Variants in GALK1 observed in about 807,000 individuals in gnomAD.
GALK1 encodes the protein galactokinase.
Under a neutral mutation model 38.6 loss-of-function variants are expected in GALK1, and 30 were observed. The ratio of observed to expected loss-of-function variants is 0.78; its 90% confidence interval spans 0.58 to 1.05. The LOEUF (loss-of-function observed/expected upper bound fraction) is 1.05, where lower values mean the gene tolerates loss of function less well. Ranked by LOEUF, GALK1 falls within the 50% of genes least tolerant of loss-of-function variation. The pLI, the probability that GALK1 is intolerant of heterozygous loss-of-function variation, is 0.00. For synonymous variants in GALK1, 240 were observed against 233.6 expected (o/e 1.03, Z -0.25); for missense variants, 512 against 540.5 (o/e 0.95, Z 0.52).
downstream of GALK1, chr17:75,755,285 G>C: frequency 2.7e-6 from 4 of 1,487,446 alleles, no homozygotes; most frequent in Non-Finnish European, 3.7e-6. Context: ...CATAGCAGCC[G>C]CCAGCTGTGC....
downstream of GALK1, chr17:75,753,724 G>T: frequency 7.6e-7 from 1 of 1,318,726 alleles, no homozygotes; most frequent in South Asian, 2.1e-5. Flanking sequence ...TCGGCCCGGC[G>T]CCCCCCGGCG....
downstream of GALK1, chr17:75,754,572 G>T: frequency 6.2e-7 from 1 of 1,613,572 alleles, no homozygotes; most frequent in Non-Finnish European, 8.5e-7. Context: ...CTCTCCCCCT[G>T]CAGAGCACCT....
At chr17:75,754,344 C>T (rs1257111375), downstream of GALK1, 9 of 609,556 alleles carry the variant, frequency 1.5e-5, no homozygotes, top group Non-Finnish European at 2.6e-5. Flanking sequence ...GTCAGCAGTG[C>T]TCACACCGAT....
rs759284637 is a variant in GALK1, at chr17:75,758,530, G to A, written c.863C>T (p.Thr288Met). The A allele has an allele frequency of 8.8e-6, 14 of 1,591,570 alleles. No homozygotes were observed. Among genetic ancestry groups the A allele is most frequent in the Admixed American group, 5.2e-5 (3 of 58,168 alleles). ...TCTCAGGGCGGCCGCTGCCTGGGCC[G>A]TGCGCCGAATCTCCCCCACCACGTG... ...ARHVVGEIRR[T>M]AQAAAALRRG... Residue 288 changes from threonine (T) to methionine (M), a missense_variant, in exon 6 of 8, where the codon ACG (threonine) becomes ATG (methionine). Coordinates refer to ENST00000588479, the MANE Select transcript of GALK1 (RefSeq NM_000154.2).
chr17:75,755,326 A>C (rs890638910), downstream of GALK1: 4 of 1,164,310 alleles, frequency 3.4e-6, no homozygotes. Flanking sequence ...CATCCACAGG[A>C]CCCCCGCCTG....
At chr17:75,757,537 A>G, downstream of GALK1, 1 of 1,613,326 alleles carries the variant, frequency 6.2e-7, no homozygotes, top group Non-Finnish European at 8.5e-7. Flanking sequence ...ACATGGACCA[A>G]CAGTTCTTCC....
Position 75,762,802 on chromosome 17 carries a change from G to A in GALK1, c.695C>T (p.Ala232Val), listed in dbSNP as rs1454364862. The part of the protein sequence containing the change: ...ITNSNVRHSL[A>V]SSEYPVRRRQ... ...CCGCCGCACAGGGTACTCGCTGGAG[G>A]CCAGGGAGTGGCGGACATTAGAGTT... Residue 232 changes from alanine (A) to valine (V), a missense_variant, in exon 5 of 8, where the codon GCC (alanine) becomes GTC (valine). Physicochemically the swap from Ala to Val is moderately conservative, Grantham distance 64. Coordinates refer to ENST00000588479, the MANE Select transcript of GALK1 (RefSeq NM_000154.2). The A allele has an allele frequency of 6.2e-7, 1 of 1,613,896 alleles. No individual in the cohort carries two copies. The highest frequency in any genetic ancestry group is 8.5e-7 in the Non-Finnish European group (1 of 1,179,996).
In GALK1 at chr17:75,758,006, G is replaced by A. The variant is rs2061559501; in HGVS notation, c.*50C>T. 6.3e-7 allele frequency: 1 copy of A among 1,596,938 alleles called. No homozygotes were observed. The highest frequency in any genetic ancestry group is 8.6e-7 in the Non-Finnish European group (1 of 1,167,474). On this transcript the variant is annotated 3_prime_UTR_variant, in exon 8 of 8. Transcript: ENST00000588479. ...GATGGCACCGGGCACAGAGCCGTGG[G>A]ACTGGCCTGCAGGCCCCGCACCCTC...
rs939565358 is a variant in GALK1 at position 75,758,031 on chromosome 17, C to T, written c.*25G>A. ...GACTGGCCTGCAGGCCCCGCACCCT[C>T]ACCGTGTGCTGTCCTGGGGGTGCCT... On this transcript the variant is annotated 3_prime_UTR_variant, in exon 8 of 8. Transcript: ENST00000588479. 3.1e-6 allele frequency: 5 copies of T among 1,612,084 alleles called. No homozygotes were observed. The highest frequency in any genetic ancestry group is 1.1e-5 in the South Asian group (1 of 91,012).
At position 75,764,030 on chromosome 17, in the gene GALK1, AG is replaced by A; in HGVS notation, c.221del (p.Ser74PhefsTer40). On this transcript the variant is annotated frameshift_variant, in exon 2 of 8. Transcript: ENST00000588479. LOFTEE classifies it high-confidence loss of function. ...CGGCACCCTCAGAGGTGGTGAGGAG[AG>A]ACACCAGCCCATCCTTGCGGGGGCT... ...VGSPRKDGLV[S>X]LLTTSEGADE... 6.2e-7 allele frequency: 1 copy of A among 1,605,500 alleles called. No homozygotes were observed. The highest frequency in any genetic ancestry group is 2.2e-5 in the East Asian group (1 of 44,594).
rs370138058 is a variant in GALK1 at position 75,758,716 on chromosome 17, C to T, written c.794-117G>A. ...GGCTGGACGGTGAAGGGTGGAAGGC[C>T]GCGGGGGCAGGGCAGCCTGGCTCTC... is the stretch of plus-strand genomic sequence containing the variant. On this transcript the variant is annotated intron_variant, in intron 5 of 7. Transcript: ENST00000588479. 2.5e-4 allele frequency: 332 copies of T among 1,313,230 alleles called. 4 individuals are homozygous for T. The African/African-American group carries it at 4.0e-3, about 16-fold the overall frequency. 81.3% of individuals were successfully genotyped at this position (1,313,230 alleles called of 1,614,324 possible).
chr17:75,758,621 G>A, intron 5 of GALK1, 22 bp from the exon 6 acceptor site: 1 of 1,575,766 alleles, frequency 6.3e-7, no homozygotes, highest in Non-Finnish European at 8.6e-7. Context: ...AGAGGAGTCA[G>A]CAGCCGCCTT....
downstream of GALK1, chr17:75,756,472 G>C (rs775475841): frequency 6.2e-7 from 1 of 1,613,166 alleles, no homozygotes; most frequent in Non-Finnish European, 8.5e-7. Flanking sequence ...CCCAGACCTC[G>C]GTGGTGGTGG....
chr17:75,762,680 A>T, intron 5 of GALK1, 24 bp downstream of exon 5: 3 of 1,612,326 alleles, frequency 1.9e-6, no homozygotes, highest in Non-Finnish European at 2.5e-6. Flanking sequence ...CGCCTCCAGG[A>T]TAGAGCACCC....
chr17:75,757,070 G>A, downstream of GALK1: 1 of 1,612,962 alleles, frequency 6.2e-7, no homozygotes, highest in Non-Finnish European at 8.5e-7. Context: ...TCGGGCCAGA[G>A]CGCGAGGGCA....
intron 1 of GALK1, 103 bp from the exon 2 acceptor site, chr17:75,764,189 G>T: frequency 9.0e-7 from 1 of 1,110,468 alleles, no homozygotes; most frequent in Non-Finnish European, 1.3e-6. Context: ...ACAGTCATCA[G>T]GTTCTGAACC....
chr17:75,756,411 C>A, downstream of GALK1: 1 of 1,612,980 alleles, frequency 6.2e-7, no homozygotes, highest in Non-Finnish European at 8.5e-7. Flanking sequence ...ACTGTGTGCC[C>A]CCACCTGATC....
downstream of GALK1, chr17:75,756,600 CACT>C (rs1568387308): frequency 6.2e-7 from 1 of 1,612,852 alleles, no homozygotes. Context: ...CCGCAGAGCC[CACT>C]GTGTCCCCTG....
At position 75,763,905 on chromosome 17, in the gene GALK1, T is replaced by C. The variant is rs1466623379; in HGVS notation, c.347A>G (p.Tyr116Cys). Residue 116 changes from tyrosine to cysteine, a missense_variant, in exon 2 of 8, where the codon TAC (tyrosine) becomes TGC (cysteine). By Grantham distance (194) the Tyr-to-Cys change is radical (BLOSUM62 -2). Coordinates refer to ENST00000588479, the MANE Select transcript of GALK1 (RefSeq NM_000154.2). ...AGGCCTGGGCCCCATACCTGGGTAG[T>C]ACTGAATCACTCCCTTGACATAGTT... ...WANYVKGVIQ[Y>C]YPAAPLPGFS... The C allele has an allele frequency of 1.9e-6, 3 of 1,613,790 alleles. No individual in the cohort carries two copies. Among genetic ancestry groups the C allele is most frequent in the East Asian group, 4.5e-5 (2 of 44,888 alleles).
Sources: allele counts gnomAD v4.1 joint callset, GRCh38; gene constraint gnomAD v4.1.1; transcripts MANE v1.5; gene names NCBI Gene and HGNC (gene_info 2026-07-23, HGNC 2026-07-21).